Variants in PRR16 observed in about 807,000 individuals in gnomAD.
The protein encoded by PRR16 is protein Largen.
A neutral mutation model predicts 18.2 loss-of-function variants in PRR16; 6 were observed. That is an observed-to-expected ratio of 0.33 (90% CI 0.18 to 0.65). PRR16 has a LOEUF of 0.65. Ranked by LOEUF, PRR16 falls within the 30% of genes least tolerant of loss-of-function variation. The pLI is 0.74. For synonymous variants in PRR16, 151 were observed against 147.8 expected (o/e 1.02, Z -0.16); for missense variants, 412 against 376.6 (o/e 1.09, Z -0.78).
chr5:120,730,628 G>A, the PRR16 span, among the ~76,000 whole-genome samples: 8 of 152,010 alleles, frequency 5.3e-5, no homozygotes, highest in Admixed American at 2.0e-4. Context: ...ATGAAGCAAT[G>A]GTAAGCAGTG....
At chr5:120,526,629 A>G (rs1181905538) in intron 1 of PRR16, among the ~76,000 whole-genome samples, 1 of 152,202 alleles carries the variant, frequency 6.6e-6, no homozygotes, top group Non-Finnish European at 1.5e-5. Context: ...CAGAGATTGG[A>G]AATCACAAAA....
chr5:120,527,679 C>T (rs1031647299), intron 1 of PRR16, among the ~76,000 whole-genome samples: 2 of 152,204 alleles, frequency 1.3e-5, no homozygotes, highest in Non-Finnish European at 2.9e-5. Context: ...CTTGGATCTA[C>T]AACTGAATTT....
chr5:120,661,280 T>C (rs1415094429), intron 1 of PRR16, among the ~76,000 whole-genome samples: 1 of 152,128 alleles, frequency 6.6e-6, no homozygotes, highest in Non-Finnish European at 1.5e-5. Context: ...TACCCATTGC[T>C]ATTCCCTCTC....
chr5:120,532,704 TTTA>T (rs1363658044), intron 1 of PRR16, among the ~76,000 whole-genome samples: 1 of 152,142 alleles, frequency 6.6e-6, no homozygotes, highest in African/African-American at 2.4e-5. Flanking sequence ...AACTTTATTT[TTTA>T]TTAGGAAACA....
intron 1 of PRR16, among the ~76,000 whole-genome samples, chr5:120,523,183 T>G (rs1292726540): frequency 6.6e-6 from 1 of 152,222 alleles, no homozygotes; most frequent in Non-Finnish European, 1.5e-5. Context: ...CTTGTGCATT[T>G]TTGGAAAGTA....
At chr5:120,634,146 C>T (rs1755151534) in intron 1 of PRR16, among the ~76,000 whole-genome samples, 1 of 152,102 alleles carries the variant, frequency 6.6e-6, no homozygotes, top group Non-Finnish European at 1.5e-5. Flanking sequence ...CATGCTAACA[C>T]ATGGAAATTA....
chr5:120,500,760 T>G (rs1750422840), intron 1 of PRR16, among the ~76,000 whole-genome samples: 1 of 152,162 alleles, frequency 6.6e-6, no homozygotes, highest in Non-Finnish European at 1.5e-5. Context: ...CAAATTTTAC[T>G]AAAGGACATA....
At chr5:120,729,722 A>G in the PRR16 span, among the ~76,000 whole-genome samples, 42,530 of 152,004 alleles carry the variant, frequency 0.28, 7,447 homozygotes, top group East Asian at 0.75. Flanking sequence ...TTGAGTGGAG[A>G]GTCTTAGAAA....
chr5:120,523,427 GATA>G (rs1751250865), intron 1 of PRR16, among the ~76,000 whole-genome samples: 1 of 152,114 alleles, frequency 6.6e-6, no homozygotes, highest in African/African-American at 2.4e-5. Context: ...TTGAGTTGCA[GATA>G]TGAACTTTGC....
chr5:120,582,906 C>T (rs1189444333), intron 1 of PRR16, among the ~76,000 whole-genome samples: 1 of 152,188 alleles, frequency 6.6e-6, no homozygotes, highest in East Asian at 1.9e-4. Flanking sequence ...TGGCTTGAAA[C>T]AGCAATAATC....
intron 1 of PRR16, among the ~76,000 whole-genome samples, chr5:120,526,488 A>G (rs913204713): frequency 6.6e-6 from 1 of 152,116 alleles, no homozygotes; most frequent in Non-Finnish European, 1.5e-5. Flanking sequence ...CAATAACATG[A>G]ATTATTGCCG....
At chr5:120,785,575 G>GTTTTTTTTTTTTTTTT in the PRR16 span, among the ~76,000 whole-genome samples, 7 of 115,404 alleles carry the variant, frequency 6.1e-5, 1 homozygote, top group Non-Finnish European at 1.0e-4. Flanking sequence ...TGTTGTTGTT[G>GTTTTTTTTTTTTTTTT]TTTTTTTTTT....
intron 1 of PRR16, among the ~76,000 whole-genome samples, chr5:120,564,434 C>T (rs1046041183): frequency 2.0e-5 from 3 of 152,154 alleles, no homozygotes; most frequent in African/African-American, 4.8e-5. Context: ...ACCTTCCGAC[C>T]TCTGGGATGA....
At chr5:120,598,845 T>G (rs771470309) in intron 1 of PRR16, among the ~76,000 whole-genome samples, 1 of 151,934 alleles carries the variant, frequency 6.6e-6, no homozygotes, top group Non-Finnish European at 1.5e-5. Flanking sequence ...TCTTTGTTCT[T>G]ATTAATGCTT....
At chr5:120,504,245 A>G (rs13359350) in intron 1 of PRR16, among the ~76,000 whole-genome samples, 22,458 of 152,126 alleles carry the variant, frequency 0.15, 1,760 homozygotes, top group Non-Finnish European at 0.18. Context: ...CTTGGTGCTG[A>G]TTCTGCTAGA....
chr5:120,756,185 G>T, the PRR16 span, among the ~76,000 whole-genome samples: 1 of 152,152 alleles, frequency 6.6e-6, no homozygotes. Flanking sequence ...CAGTCTGATT[G>T]TTTGCAGTAG....
At chr5:120,539,266 T>C (rs937010848) in intron 1 of PRR16, among the ~76,000 whole-genome samples, 3 of 151,400 alleles carry the variant, frequency 2.0e-5, no homozygotes, top group Admixed American at 2.0e-4. Context: ...TAATATTTTT[T>C]CTAAATATTT....
At chr5:120,485,695 A>G (rs1007053955) in intron 1 of PRR16, among the ~76,000 whole-genome samples, 10 of 152,264 alleles carry the variant, frequency 6.6e-5, no homozygotes, top group Admixed American at 5.9e-4. Context: ...CATGTGCACA[A>G]CGTGCAGGTT....
At chr5:120,476,032 C>T (rs889194472) in intron 1 of PRR16, among the ~76,000 whole-genome samples, 8 of 152,202 alleles carry the variant, frequency 5.3e-5, no homozygotes, top group Admixed American at 5.2e-4. Flanking sequence ...TTCCCGCTGC[C>T]ACCTCTCTAA....
Sources: allele counts gnomAD v4.1 joint callset (sites outside exome capture counted in the v4.1 genomes callset), GRCh38; gene constraint gnomAD v4.1.1; transcripts MANE v1.5; gene names NCBI Gene and HGNC (gene_info 2026-07-23, HGNC 2026-07-21).